LDAH: variants seen among roughly 807,000 people sequenced by gnomAD.
LDAH encodes the protein lipid droplet associated hydrolase, also known as lipid droplet-associated hydrolase.
In LDAH, 26 loss-of-function variants were observed where a neutral mutation model predicts 29.6. That is an observed-to-expected ratio of 0.88 (90% confidence interval 0.64 to 1.22). LDAH has a LOEUF of 1.22. Ranked by LOEUF, LDAH falls within the 50% of genes most tolerant of loss-of-function variation. LDAH has a pLI of 0.00. For synonymous variants in LDAH, 117 were observed against 133.0 expected, an observed-to-expected ratio of 0.88 and a Z score of 0.83; for missense variants, 344 against 387.3, an observed-to-expected ratio of 0.89 and a Z score of 0.94.
At chr2:20,690,861 A>G (rs1662960969) in intron 6 of LDAH, among the ~76,000 whole-genome samples, 1 of 151,390 alleles carries the variant, frequency 6.6e-6, no homozygotes, top group African/African-American at 2.4e-5. Flanking sequence ...GTGCTAAGTA[A>G]GCACTTTCTA....
At chr2:20,811,069 C>A (rs936849220) in intron 1 of LDAH, among the ~76,000 whole-genome samples, 19 of 150,384 alleles carry the variant, frequency 1.3e-4, no homozygotes, top group Admixed American at 1.3e-4. Context: ...CCAGGCTGGA[C>A]TGCAGTGGCG....
At chr2:20,799,593 A>T (rs1671529959) in intron 2 of LDAH, among the ~76,000 whole-genome samples, 1 of 152,150 alleles carries the variant, frequency 6.6e-6, no homozygotes, top group Non-Finnish European at 1.5e-5. Context: ...TGTTGGTATA[A>T]ATAAGTTCCA....
intron 3 of LDAH, among the ~76,000 whole-genome samples, chr2:20,789,796 T>C (rs558035022): frequency 6.6e-6 from 1 of 152,096 alleles, no homozygotes; most frequent in Non-Finnish European, 1.5e-5. Context: ...AGGAGTACCC[T>C]ACTGTGAACT....
rs758175615 is a variant in LDAH at position 20,790,358 on chromosome 2, C to T, written c.195G>A (p.Lys65=). 3 of 1,614,022 alleles carry T rather than the reference C, an allele frequency of 1.9e-6. No individual in the cohort carries two copies. Among genetic ancestry groups the T allele is most frequent in the Non-Finnish European group, 1.7e-6 (2 of 1,179,964 alleles). ...GFSAFYVPFA[K]ALYSLTNRRF... ...GTCTGTTTGTCAAAGAGTATAAAGC[C>T]TTTGCAAATGGCACATAAAAGGCAG... The change falls in exon 3 of 7, where the codon AAG becomes AAA. Residue 65 remains lysine, a synonymous_variant. Coordinates refer to ENST00000237822, the MANE Select transcript of LDAH (RefSeq NM_021925.4).
intron 4 of LDAH, among the ~76,000 whole-genome samples, chr2:20,741,306 T>C (rs1667159636): frequency 6.6e-6 from 1 of 152,224 alleles, no homozygotes; most frequent in African/African-American, 2.4e-5. Flanking sequence ...TCAGGGACTG[T>C]ACCTTTGGTT....
At chr2:20,766,231 C>T (rs1669027030) in intron 4 of LDAH, among the ~76,000 whole-genome samples, 2 of 152,100 alleles carry the variant, frequency 1.3e-5, no homozygotes, top group South Asian at 4.1e-4. Flanking sequence ...TTTTATTATA[C>T]ATTGTTTAAA....
intron 1 of LDAH, among the ~76,000 whole-genome samples, chr2:20,818,551 C>G (rs1316603370): frequency 1.3e-5 from 2 of 151,674 alleles, no homozygotes; most frequent in Admixed American, 1.3e-4. Flanking sequence ...CCATCTAGCC[C>G]CTTGCAATAA....
At chr2:20,751,265 T>A (rs1310217164) in intron 4 of LDAH, among the ~76,000 whole-genome samples, 2 of 152,210 alleles carry the variant, frequency 1.3e-5, no homozygotes, top group African/African-American at 4.8e-5. Flanking sequence ...TTGTAAAACC[T>A]TTATGTAAAG....
At chr2:20,801,589 T>A in intron 1 of LDAH, 124 bp from the exon 2 acceptor site, 1 of 747,468 alleles carries the variant, frequency 1.3e-6, no homozygotes, top group Admixed American at 2.7e-5. Flanking sequence ...CACAAGGACA[T>A]CTGGGAAACT....
At chr2:20,808,439 G>A (rs1672232507) in intron 1 of LDAH, among the ~76,000 whole-genome samples, 1 of 152,002 alleles carries the variant, frequency 6.6e-6, no homozygotes, top group African/African-American at 2.4e-5. Flanking sequence ...CGAGGCGGGC[G>A]GATCACGAGG....
chr2:20,764,263 C>T (rs1194251166), intron 4 of LDAH, among the ~76,000 whole-genome samples: 1 of 152,180 alleles, frequency 6.6e-6, no homozygotes. Flanking sequence ...TCATCATCTA[C>T]AATACAAACT....
chr2:20,777,033 C>T (rs1669868277), intron 3 of LDAH, among the ~76,000 whole-genome samples: 1 of 152,152 alleles, frequency 6.6e-6, no homozygotes, highest in East Asian at 1.9e-4. Context: ...ATAATGCTAG[C>T]CTCCAATGGC....
intron 5 of LDAH, among the ~76,000 whole-genome samples, chr2:20,717,719 T>C (rs11683023): frequency 0.22 from 33,837 of 152,196 alleles, 4,544 homozygotes; most frequent in East Asian, 0.36. Context: ...AGTTAATGTG[T>C]ACATGTTTTG....
chr2:20,811,809 T>C (rs750765196), intron 1 of LDAH, among the ~76,000 whole-genome samples: 18 of 152,150 alleles, frequency 1.2e-4, no homozygotes, highest in Non-Finnish European at 2.4e-4. Context: ...AAGAGGACTA[T>C]GAAAGACAGA....
chr2:20,803,208 C>A (rs1671826820), intron 1 of LDAH, among the ~76,000 whole-genome samples: 1 of 152,162 alleles, frequency 6.6e-6, no homozygotes, highest in South Asian at 2.1e-4. Flanking sequence ...TCAATAATGC[C>A]AAGGCTGAAA....
intron 5 of LDAH, among the ~76,000 whole-genome samples, chr2:20,732,977 C>A (rs1666516334): frequency 6.6e-6 from 1 of 151,924 alleles, no homozygotes; most frequent in Admixed American, 6.6e-5. Flanking sequence ...TGCTGGCATT[C>A]AAGATGTGAG....
In LDAH at chr2:20,762,230, C is replaced by A. The variant is rs563459243; in HGVS notation, c.468+12580G>T. On this transcript the variant is annotated intron_variant, in intron 4 of 6. Transcript: ENST00000237822. ...TGTTATAATAGATAATAGTTTTGCA[C>A]ATGATTTTTTCTATCTTTGTCTGTT... is the stretch of plus-strand genomic sequence containing the variant. 5.9e-5 allele frequency among the ~76,000 whole-genome samples: 9 copies of A among 152,054 alleles called. No homozygotes were observed. In the South Asian group the frequency reaches 1.9e-3, roughly 32 times the overall value.
At chr2:20,807,201 A>G (rs1003411306) in intron 1 of LDAH, among the ~76,000 whole-genome samples, 1 of 152,150 alleles carries the variant, frequency 6.6e-6, no homozygotes, top group Admixed American at 6.5e-5. Context: ...AAAAAACCAA[A>G]CCCAACAGAT....
At chr2:20,755,673 T>C (rs913349128) in intron 4 of LDAH, among the ~76,000 whole-genome samples, 3 of 152,172 alleles carry the variant, frequency 2.0e-5, no homozygotes, top group East Asian at 3.9e-4. Context: ...TGGAGGTTTA[T>C]TCTGTGTAGA....
Sources: allele counts gnomAD v4.1 joint callset (sites outside exome capture counted in the v4.1 genomes callset), GRCh38; gene constraint gnomAD v4.1.1; transcripts MANE v1.5; gene names NCBI Gene and HGNC (gene_info 2026-07-23, HGNC 2026-07-21).